Variants in PRH1 observed in about 807,000 individuals in gnomAD.
PRH1 encodes the protein salivary acidic proline-rich phosphoprotein 1/2.
A neutral mutation model predicts 7.9 loss-of-function variants in PRH1; 7 were observed. The observed-to-expected ratio is 0.89, with a 90% CI of 0.50 to 1.67. PRH1 has a LOEUF of 1.67. PRH1 is among the 40% of genes most tolerant of loss of function. The pLI, the probability that PRH1 is intolerant of heterozygous loss-of-function variation, is 0.00. For missense variants in PRH1, 109 were observed against 223.6 expected (o/e 0.49, Z 3.27); for synonymous variants, 45 against 80.8 (o/e 0.56, Z 2.38).
chr12:10,896,489 C>T (rs796530924), intron 2 of PRH1, among the ~76,000 whole-genome samples: 58 of 152,154 alleles, frequency 3.8e-4, no homozygotes, highest in African/African-American at 1.3e-3. Flanking sequence ...TGGCCAGGCA[C>T]GGTGGCTCAC....
chr12:11,116,750 G>A (rs1363478482), downstream of PRH1, among the ~76,000 whole-genome samples: 1 of 152,014 alleles, frequency 6.6e-6, no homozygotes, highest in Admixed American at 6.5e-5. Flanking sequence ...TTATCCCTAG[G>A]ATGCAAGGAT....
chr12:11,104,926 AATTAC>A (rs1309838571), intron 1 of PRH1, among the ~76,000 whole-genome samples: 7 of 151,920 alleles, frequency 4.6e-5, no homozygotes, highest in Non-Finnish European at 8.8e-5. Context: ...TACTTCAATG[AATTAC>A]ATTAATCTTT....
chr12:11,135,430 C>A (rs1335476714), intron 1 of PRH1, among the ~76,000 whole-genome samples: 2 of 152,114 alleles, frequency 1.3e-5, no homozygotes, highest in African/African-American at 2.4e-5. Context: ...CCCACCTGAT[C>A]CAGACTAAAT....
At chr12:10,992,114 G>A (rs1181403910) in intron 1 of PRH1, among the ~76,000 whole-genome samples, 2 of 152,100 alleles carry the variant, frequency 1.3e-5, no homozygotes, top group African/African-American at 4.8e-5. Context: ...TCTCTGGACT[G>A]AGCCAGTTCA....
upstream of PRH1, among the ~76,000 whole-genome samples, chr12:11,051,080 T>A (rs117968241): frequency 0.015 from 2,303 of 152,352 alleles, 4 homozygotes; most frequent in South Asian, 0.03. Context: ...TTTGGAGGAT[T>A]TTCTCTTGCA....
At chr12:11,067,664 C>A (rs1943884908) in intron 1 of PRH1, among the ~76,000 whole-genome samples, 1 of 152,144 alleles carries the variant, frequency 6.6e-6, no homozygotes, top group Admixed American at 6.5e-5. Flanking sequence ...GAGTTCAAGT[C>A]CAGCCTGGGA....
At chr12:10,929,115 A>C (rs939037788) in intron 2 of PRH1, 3 of 799,940 alleles carry the variant, frequency 3.8e-6, no homozygotes, top group Non-Finnish European at 6.2e-6. Context: ...TGAGGGATAC[A>C]CTTGACCTGA....
At chr12:11,157,800 T>C (rs1470074737) in intron 1 of PRH1, among the ~76,000 whole-genome samples, 1 of 152,174 alleles carries the variant, frequency 6.6e-6, no homozygotes, top group Non-Finnish European at 1.5e-5. Flanking sequence ...AATAGTTAAA[T>C]GAAATATATG....
chr12:10,965,210 A>C, intron 2 of PRH1: 2 of 1,485,660 alleles, frequency 1.3e-6, no homozygotes, highest in Non-Finnish European at 1.8e-6. Flanking sequence ...CAGAGCAGTG[A>C]GAATTTGGTC....
intron 1 of PRH1, among the ~76,000 whole-genome samples, chr12:11,073,392 C>G (rs1453923483): frequency 1.6e-5 from 2 of 126,982 alleles, no homozygotes; most frequent in African/African-American, 5.5e-5. Context: ...CCTTGGCCTC[C>G]CAAAGTGCTG....
At chr12:11,012,853 T>C (rs777981473) in intron 1 of PRH1, among the ~76,000 whole-genome samples, 18 of 152,106 alleles carry the variant, frequency 1.2e-4, no homozygotes, top group Admixed American at 3.9e-4. Context: ...TGCACCTAGC[T>C]GAGAACTTCC....
intron 1 of PRH1, among the ~76,000 whole-genome samples, chr12:11,004,507 A>T (rs1379779783): frequency 6.6e-6 from 1 of 152,132 alleles, no homozygotes; most frequent in Non-Finnish European, 1.5e-5. Context: ...TGTCTCAAAA[A>T]TAAATAAAAT....
intron 3 of PRH1, among the ~76,000 whole-genome samples, chr12:10,881,316 G>C (rs1949396450): frequency 6.6e-6 from 1 of 152,154 alleles, no homozygotes; most frequent in African/African-American, 2.4e-5. Context: ...GCTGCTGTTG[G>C]TTATGTAAGG....
intron 2 of PRH1, among the ~76,000 whole-genome samples, chr12:10,948,417 T>C (rs1950519905): frequency 6.6e-6 from 1 of 152,246 alleles, no homozygotes; most frequent in African/African-American, 2.4e-5. Flanking sequence ...TAGTATATTC[T>C]GCTGATAATC....
intron 1 of PRH1, among the ~76,000 whole-genome samples, chr12:11,083,507 A>T (rs1225584748): frequency 1.6e-4 from 1 of 6,074 alleles, no homozygotes; most frequent in African/African-American, 3.5e-4. Flanking sequence ...CTACTTTTTA[A>T]ATATTTTTAT....
chr12:10,881,505 AT>A (rs1293404919), intron 3 of PRH1, among the ~76,000 whole-genome samples: 23 of 152,382 alleles, frequency 1.5e-4, no homozygotes, highest in African/African-American at 5.3e-4. Context: ...AAATGAACTC[AT>A]GAGAAAGTTT....
intron 1 of PRH1, among the ~76,000 whole-genome samples, chr12:11,154,041 AT>A (rs752425548): frequency 4.6e-5 from 7 of 152,220 alleles, no homozygotes; most frequent in Non-Finnish European, 8.8e-5. Context: ...AGTATAAAAT[AT>A]TTTTGAGTTT....
At chr12:11,152,479 A>G (rs913148699) in intron 1 of PRH1, among the ~76,000 whole-genome samples, 19 of 152,254 alleles carry the variant, frequency 1.2e-4, no homozygotes, top group African/African-American at 4.6e-4. Flanking sequence ...ATATTTTTAT[A>G]GAAGAAAATT....
At chr12:10,914,774 G>A in intron 2 of PRH1, among the ~76,000 whole-genome samples, 1 of 152,182 alleles carries the variant, frequency 6.6e-6, no homozygotes, top group East Asian at 1.9e-4. Context: ...AGATTTTGCA[G>A]AGCTGGAAGA....
Sources: allele counts gnomAD v4.1 joint callset (sites outside exome capture counted in the v4.1 genomes callset), GRCh38; gene constraint gnomAD v4.1.1; transcripts MANE v1.5; gene names NCBI Gene and HGNC (gene_info 2026-07-23, HGNC 2026-07-21).